NRXN1: variants seen among roughly 807,000 people sequenced by gnomAD.
NRXN1 encodes the protein neurexin 1.
NRXN1 carries 39 observed loss-of-function variants against 150.9 expected under a neutral mutation model. That is an observed-to-expected ratio of 0.26 (90% CI 0.20 to 0.34). NRXN1 has a LOEUF of 0.34. Ranked by LOEUF, NRXN1 falls within the 10% of genes least tolerant of loss-of-function variation. The probability of loss-of-function intolerance (pLI) is 1.00; values close to 1 mark genes in which losing one functional copy is unlikely to be tolerated. For missense variants in NRXN1, 1,815 were observed against 1,949.9 expected, an observed-to-expected ratio of 0.93 and a Z score of 1.30; for synonymous variants, 924 against 757.0, an observed-to-expected ratio of 1.22 and a Z score of -3.62.
chr2:50,453,365 G>A (rs1477059256), intron 17 of NRXN1, among the ~76,000 whole-genome samples: 1 of 152,080 alleles, frequency 6.6e-6, no homozygotes, highest in Admixed American at 6.6e-5. Flanking sequence ...CCACCGTTTG[G>A]GAATGACTAA....
At chr2:50,536,242 C>T (rs1169806760) in intron 10 of NRXN1, among the ~76,000 whole-genome samples, 2 of 152,136 alleles carry the variant, frequency 1.3e-5, no homozygotes, top group Non-Finnish European at 1.5e-5. Context: ...AAAGGACTCA[C>T]GCAATACACA....
intron 17 of NRXN1, among the ~76,000 whole-genome samples, chr2:50,265,939 CA>C (rs1291224804): frequency 2.7e-5 from 4 of 149,874 alleles, no homozygotes; most frequent in Non-Finnish European, 5.9e-5. Context: ...GTTTGAGGAC[CA>C]ATTTTTTATT....
chr2:50,178,451 T>G (rs2060486427), intron 18 of NRXN1, among the ~76,000 whole-genome samples: 1 of 152,070 alleles, frequency 6.6e-6, no homozygotes, highest in Non-Finnish European at 1.5e-5. Context: ...CATGCTACTT[T>G]TTTTCTACAA....
chr2:50,081,767 A>G (rs1379524307), intron 19 of NRXN1, among the ~76,000 whole-genome samples: 1 of 152,162 alleles, frequency 6.6e-6, no homozygotes, highest in Non-Finnish European at 1.5e-5. Context: ...TCATTATAAA[A>G]ATATATAAAT....
chr2:50,301,573 A>G (rs1251006159), intron 17 of NRXN1, among the ~76,000 whole-genome samples: 1 of 152,186 alleles, frequency 6.6e-6, no homozygotes, highest in South Asian at 2.1e-4. Context: ...TTCTTCTTCA[A>G]CAAGGGAAAA....
intron 5 of NRXN1, among the ~76,000 whole-genome samples, chr2:50,646,708 C>CATTTTTTT (rs1553923404): frequency 9.3e-6 from 1 of 107,438 alleles, no homozygotes; most frequent in African/African-American, 3.5e-5. Flanking sequence ...TTCATGTTGT[C>CATTTTTTT]TTTTTTTTTT....
Position 49,922,558 on chromosome 2 carries a change from A to T in NRXN1, c.4217-307T>A, listed in dbSNP as rs1668409826. Reference sequence around the variant, plus strand: ...AAAGGGCCATGTGGGTGACTTAAGTAAAAAAAACCCACAAACCCAGCATAA... The same window carrying T: ...AAAGGGCCATGTGGGTGACTTAAGTTAAAAAAACCCACAAACCCAGCATAA... On this transcript the variant is annotated intron_variant, in intron 22 of 22. Transcript: ENST00000401669. 3.3e-5 allele frequency among the ~76,000 whole-genome samples: 5 copies of T among 152,028 alleles called. No homozygotes were observed. The South Asian group carries it at 1.0e-3, about 32-fold the overall frequency.
At chr2:50,750,076 G>C (rs1049957727) in intron 5 of NRXN1, among the ~76,000 whole-genome samples, 1 of 152,012 alleles carries the variant, frequency 6.6e-6, no homozygotes, top group Non-Finnish European at 1.5e-5. Context: ...CATAGACATT[G>C]GGATGGGAGA....
chr2:49,980,498 G>C (rs1362614343), intron 21 of NRXN1, among the ~76,000 whole-genome samples: 2 of 152,196 alleles, frequency 1.3e-5, no homozygotes, highest in South Asian at 2.1e-4. Context: ...AACTGGAGCA[G>C]AGAATAGCTT....
At chr2:50,910,875 T>C (rs1684418821) in intron 5 of NRXN1, among the ~76,000 whole-genome samples, 2 of 152,034 alleles carry the variant, frequency 1.3e-5, no homozygotes, top group South Asian at 2.1e-4. Context: ...GAATCAGCCA[T>C]GCCAAATGTG....
chr2:50,411,954 T>A (rs2083217031), intron 17 of NRXN1, among the ~76,000 whole-genome samples: 1 of 152,208 alleles, frequency 6.6e-6, no homozygotes, highest in African/African-American at 2.4e-5. Context: ...GGAGACTCCA[T>A]TTTGTTCTGT....
chr2:50,101,399 T>C (rs985545384), intron 18 of NRXN1, among the ~76,000 whole-genome samples: 5 of 152,064 alleles, frequency 3.3e-5, no homozygotes, highest in African/African-American at 1.2e-4. Flanking sequence ...AAAAGAGCTT[T>C]GGGATTATTT....
chr2:51,020,928 C>A (rs1036851695), intron 2 of NRXN1, among the ~76,000 whole-genome samples: 3 of 151,852 alleles, frequency 2.0e-5, no homozygotes, highest in African/African-American at 7.2e-5. Flanking sequence ...AACAAAAAGC[C>A]TTGCAATTTT....
intron 5 of NRXN1, among the ~76,000 whole-genome samples, chr2:50,773,711 G>C (rs1703275008): frequency 6.6e-6 from 1 of 152,096 alleles, no homozygotes; most frequent in Non-Finnish European, 1.5e-5. Flanking sequence ...ATCCAGTTGG[G>C]ACAGGGTTGG....
At chr2:50,713,454 T>C (rs1398074119) in intron 5 of NRXN1, among the ~76,000 whole-genome samples, 2 of 152,160 alleles carry the variant, frequency 1.3e-5, no homozygotes, top group Non-Finnish European at 2.9e-5. Flanking sequence ...CAAAAGAGCC[T>C]AGATCTGGCA....
chr2:50,161,577 T>C (rs1252946097), intron 18 of NRXN1, among the ~76,000 whole-genome samples: 1 of 152,156 alleles, frequency 6.6e-6, no homozygotes, highest in African/African-American at 2.4e-5. Flanking sequence ...CTACTATTCT[T>C]TTCAGACACA....
intron 2 of NRXN1, chr2:50,963,967 C>T (rs1693627333): frequency 2.3e-6 from 1 of 441,684 alleles, no homozygotes; most frequent in South Asian, 1.6e-5. Flanking sequence ...ATAATACAAA[C>T]ATATGTCATT....
chr2:49,999,953 G>C (rs1394829661), intron 21 of NRXN1, among the ~76,000 whole-genome samples: 1 of 152,136 alleles, frequency 6.6e-6, no homozygotes, highest in African/African-American at 2.4e-5. Flanking sequence ...TGTGGAAGAA[G>C]ATTTTTCGGT....
chr2:50,609,575 T>C (rs1455617606), intron 8 of NRXN1, among the ~76,000 whole-genome samples: 1 of 152,046 alleles, frequency 6.6e-6, no homozygotes, highest in Non-Finnish European at 1.5e-5. Flanking sequence ...CACAGAAACA[T>C]CAACTATCTT....
Sources: gnomAD v4.1 joint callset for allele counts (sites outside exome capture counted in the v4.1 genomes callset) on GRCh38, gnomAD v4.1.1 for gene constraint, MANE v1.5 for transcripts, NCBI Gene and HGNC (gene_info 2026-07-23, HGNC 2026-07-21) for gene names.